Variants in STAB2 observed in about 807,000 individuals in gnomAD.
The protein encoded by STAB2 is stabilin 2, also known as stabilin-2.
A neutral mutation model predicts 338.1 loss-of-function variants in STAB2; 288 were observed. That is an observed-to-expected ratio of 0.85 (90% CI 0.77 to 0.94). The LOEUF (loss-of-function observed/expected upper bound fraction) is 0.94, where lower values mean the gene tolerates loss of function less well. Ranked by LOEUF, STAB2 falls within the 40% of genes least tolerant of loss-of-function variation. STAB2 has a pLI of 0.00. For missense variants in STAB2, 3,141 were observed against 3,210.1 expected, an observed-to-expected ratio of 0.98 and a Z score of 0.52; for synonymous variants, 1,202 against 1,193.3, an observed-to-expected ratio of 1.01 and a Z score of -0.15.
intron 24 of STAB2, 65 bp from the exon 25 acceptor site, chr12:103,677,388 T>C: frequency 6.5e-7 from 1 of 1,529,590 alleles, no homozygotes. Context: ...AATTCTCTCT[T>C]ATTTTTGGAA....
At position 103,648,843 on chromosome 12, in the gene STAB2, G is replaced by A. The variant is rs1555231594; in HGVS notation, c.1174+20G>A. ...TCCTAGGTACGCAGCTATGGGTACAGATTTCCACACAAAAGTCCTCTTTCA... is the reference window on the plus strand; with the variant it reads ...TCCTAGGTACGCAGCTATGGGTACAAATTTCCACACAAAAGTCCTCTTTCA... On this transcript the variant is annotated intron_variant, in intron 10 of 68. Coordinates refer to ENST00000388887, the MANE Select transcript of STAB2 (RefSeq NM_017564.10). 1 of 1,609,638 alleles carries A rather than the reference G, an allele frequency of 6.2e-7. No homozygotes were observed. Among genetic ancestry groups the A allele is most frequent in the Non-Finnish European group, 8.5e-7 (1 of 1,178,372 alleles).
At chr12:103,749,517 C>G (rs1220493682) in intron 59 of STAB2, among the ~76,000 whole-genome samples, 2 of 151,780 alleles carry the variant, frequency 1.3e-5, no homozygotes, top group Non-Finnish European at 2.9e-5. Flanking sequence ...TAAAATTATC[C>G]TAAATAAAAG....
At chr12:103,717,248 C>T (rs763791084) in intron 43 of STAB2, among the ~76,000 whole-genome samples, 4 of 152,226 alleles carry the variant, frequency 2.6e-5, no homozygotes, top group Non-Finnish European at 4.4e-5. Flanking sequence ...TGTCCCCTCC[C>T]TCAACTTGAA....
At position 103,759,278 on chromosome 12, in the gene STAB2, A is replaced by T; in HGVS notation, c.7248+5A>T. 1 of 1,613,536 alleles carries T rather than the reference A, an allele frequency of 6.2e-7. No homozygotes were observed. The stretch of plus-strand genomic sequence containing the variant: ...AGCCAGGACCCACTCCAACCGGTAC[A>T]AAGTCTTCTGGGCTTCTTGGGGGAA... On this transcript the variant is annotated splice_donor_5th_base_variant and intron_variant, in intron 65 of 68. Transcript: ENST00000388887.
At chr12:103,717,656 A>G in intron 43 of STAB2, 114 bp from the exon 44 acceptor site, 3 of 793,406 alleles carry the variant, frequency 3.8e-6, no homozygotes, top group Non-Finnish European at 4.3e-6. Context: ...CGTCAAATAG[A>G]GACTCTCCTA....
Position 103,660,404 on chromosome 12 carries a change from C to T in STAB2, c.1788+20C>T, listed in dbSNP as rs1399351323. On this transcript the variant is annotated intron_variant, in intron 16 of 68. Coordinates refer to ENST00000388887, the MANE Select transcript of STAB2 (RefSeq NM_017564.10). ...ACCCAGGTTGGCCCCACTTTTCCTG[C>T]TGCTACTTTCTCTCTGCTTCCAAGA... 1 of 1,613,458 alleles carries T rather than the reference C, an allele frequency of 6.2e-7. No homozygotes were observed. The highest frequency in any genetic ancestry group is 8.5e-7 in the Non-Finnish European group (1 of 1,179,470).
chr12:103,740,830 G>A, intron 55 of STAB2, 74 bp downstream of exon 55: 6 of 1,480,640 alleles, frequency 4.1e-6, no homozygotes, highest in Non-Finnish European at 5.4e-6. Context: ...GTCTTTGAAT[G>A]TACCAAAATT....
In STAB2 at chr12:103,677,470, T is replaced by A; in HGVS notation, c.2664T>A (p.Thr888=). Residue 888 remains threonine (T), a synonymous_variant, in exon 25 of 69, where the codon ACT becomes ACA. Coordinates refer to ENST00000388887, the MANE Select transcript of STAB2 (RefSeq NM_017564.10). Reference sequence around the variant, plus strand: ...TCCTGCAGGCAGAATGCATCAAAACTGGCACGGGCACCCACACCTGCGTGT... The same window carrying A: ...TCCTGCAGGCAGAATGCATCAAAACAGGCACGGGCACCCACACCTGCGTGT... ...GCSRNAECIK[T]GTGTHTCVCQ... is the part of the protein sequence containing the mutation. The A allele has an allele frequency of 6.2e-7, 1 of 1,612,448 alleles. No homozygotes were observed. The highest frequency in any genetic ancestry group is 8.5e-7 in the Non-Finnish European group (1 of 1,178,596).
intron 44 of STAB2, among the ~76,000 whole-genome samples, chr12:103,719,475 G>T (rs1880586237): frequency 6.6e-6 from 1 of 152,172 alleles, no homozygotes; most frequent in Non-Finnish European, 1.5e-5. Context: ...CCAAAATTAA[G>T]GTGCCTGCAA....
At chr12:103,713,596 G>A in intron 41 of STAB2, 47 bp from the exon 42 acceptor site, 2 of 1,605,366 alleles carry the variant, frequency 1.2e-6, no homozygotes, top group Non-Finnish European at 1.7e-6. Flanking sequence ...TACATCAATG[G>A]CTTTTGCCCT....
At chr12:103,690,055 T>G in intron 29 of STAB2, 73 bp downstream of exon 29, 1 of 1,548,748 alleles carries the variant, frequency 6.5e-7, no homozygotes, top group Non-Finnish European at 8.7e-7. Context: ...AAGTTCAATG[T>G]AGGAAAACCA....
chr12:103,763,746 C>T (rs1344344337), intron 68 of STAB2, 138 bp downstream of exon 68: 10 of 830,818 alleles, frequency 1.2e-5, no homozygotes, highest in Non-Finnish European at 1.5e-5. Context: ...GCCTAAAAGC[C>T]AGTTTTGCAA....
chr12:103,717,716 G>T (rs754217656), intron 43 of STAB2, 54 bp from the exon 44 acceptor site: 26 of 1,540,678 alleles, frequency 1.7e-5, no homozygotes, highest in African/African-American at 2.7e-5. Flanking sequence ...AGACCATGCG[G>T]CCAGTACAGA....
chr12:103,722,581 T>A lies in STAB2; in HGVS notation c.4684-2394T>A, dbSNP rs529331607. Among the ~76,000 whole-genome samples the A allele has an allele frequency of 3.3e-5, 5 of 152,338 alleles. No homozygotes were observed. The East Asian group carries it at 9.6e-4, about 29-fold the overall frequency. ...GAAGGATGTGGACTAAAGTAAGTAATGTTCCTAACACTTTACCCTGGAAAA... is the reference window on the plus strand; with the variant it reads ...GAAGGATGTGGACTAAAGTAAGTAAAGTTCCTAACACTTTACCCTGGAAAA... On this transcript the variant is annotated intron_variant, in intron 44 of 68. Coordinates refer to ENST00000388887, the MANE Select transcript of STAB2 (RefSeq NM_017564.10).
chr12:103,677,731 G>C (rs1876520449), intron 25 of STAB2, 120 bp downstream of exon 25: 1 of 1,310,048 alleles, frequency 7.6e-7, no homozygotes, highest in Non-Finnish European at 1.0e-6. Context: ...GTCATTCGTG[G>C]CAGTGAACAT....
At chr12:103,694,033 A>G (rs1207392384) in intron 31 of STAB2, among the ~76,000 whole-genome samples, 1 of 151,742 alleles carries the variant, frequency 6.6e-6, no homozygotes, top group Non-Finnish European at 1.5e-5. Context: ...TGATTCAGTT[A>G]TCTGTGTAGC....
intron 9 of STAB2, among the ~76,000 whole-genome samples, chr12:103,646,480 A>G (rs2138714624): frequency 6.6e-6 from 1 of 152,292 alleles, no homozygotes; most frequent in South Asian, 2.1e-4. Context: ...TATGTCTGTC[A>G]CAGTGCTATT....
In STAB2 at chr12:103,758,277, G is replaced by A; in HGVS notation, c.7095G>A (p.Leu2365=). ...GTLFVPQNSG[L]GENETLSGRD... is the part of the protein sequence containing the mutation. ...TCTTTGTGCCACAGAACAGTGGGCT[G>A]GGGGAGAATGAGGTGAGTTGAGTCC... Residue 2365 remains leucine, a synonymous_variant, in exon 64 of 69, where the codon CTG becomes CTA. Transcript: ENST00000388887. The A allele has an allele frequency of 6.2e-7, 1 of 1,613,532 alleles. No individual in the cohort carries two copies. Among genetic ancestry groups the A allele is most frequent in the Non-Finnish European group, 8.5e-7 (1 of 1,180,014 alleles).
Position 103,762,324 on chromosome 12 carries a change from G to C in STAB2, c.7410G>C (p.Leu2470=), listed in dbSNP as rs764186739. The change falls in exon 67 of 69, where the codon CTG becomes CTC. Residue 2470 remains leucine, a synonymous_variant. Coordinates refer to ENST00000388887, the MANE Select transcript of STAB2 (RefSeq NM_017564.10). ...LGAGIFFAII[L]VTGAVALAAY... ...CAGGGATCTTCTTTGCCATCATCCT[G>C]GTGACTGGGGCTGTTGCCTTGGCTG... The C allele has an allele frequency of 6.2e-7, 1 of 1,614,220 alleles. No individual in the cohort carries two copies. The highest frequency in any genetic ancestry group is 1.1e-5 in the South Asian group (1 of 91,084).
Sources: allele counts gnomAD v4.1 joint callset (sites outside exome capture counted in the v4.1 genomes callset), GRCh38; gene constraint gnomAD v4.1.1; transcripts MANE v1.5; gene names NCBI Gene and HGNC (gene_info 2026-07-23, HGNC 2026-07-21).